Variants in THSD7B observed in about 807,000 individuals in gnomAD.
The protein encoded by THSD7B is thrombospondin type 1 domain containing 7B.
THSD7B carries 138 observed loss-of-function variants against 213.6 expected under a neutral mutation model. That is an observed-to-expected ratio of 0.65 (90% CI 0.56 to 0.74). THSD7B has a LOEUF of 0.74. Ranked by LOEUF, THSD7B falls within the 30% of genes least tolerant of loss-of-function variation. The pLI, the probability that THSD7B is intolerant of heterozygous loss-of-function variation, is 0.00. For synonymous variants in THSD7B, 742 were observed against 687.0 expected, an observed-to-expected ratio of 1.08 and a Z score of -1.25; for missense variants, 1,931 against 1,991.5, an observed-to-expected ratio of 0.97 and a Z score of 0.58.
intron 5 of THSD7B, among the ~76,000 whole-genome samples, chr2:137,115,607 G>C (rs1688435388): frequency 1.3e-5 from 2 of 152,162 alleles, no homozygotes; most frequent in African/African-American, 4.8e-5. Context: ...AGTAATGAAT[G>C]AATGGCATTC....
At position 137,649,559 on chromosome 2, in the gene THSD7B, G is replaced by A. The variant is rs139501972; in HGVS notation, c.3946-5942G>A. The stretch of plus-strand genomic sequence containing the variant: ...TATCCTTTCCCCACTGCATGTTCTT[G>A]GCACCTTTGTCAAAAATGAGTTGTC... On this transcript the variant is annotated intron_variant, in intron 21 of 27. Transcript: ENST00000409968. Among the ~76,000 whole-genome samples the A allele has an allele frequency of 3.0e-3, 461 of 152,166 alleles. 2 individuals carry two copies. The highest frequency in any genetic ancestry group is 6.4e-3 in the South Asian group (31 of 4,818).
rs560597125 is a variant in THSD7B, at chr2:136,850,113, T to C, written c.-35-32031T>C. On this transcript the variant is annotated intron_variant, in intron 1 of 27. Coordinates refer to ENST00000409968, the MANE Select transcript of THSD7B (RefSeq NM_001316349.2). ...AACATACCTCTATGGTATGAAGCCATAAAGTATGGTTTCATACTTTATGTA... is the reference window on the plus strand; with the variant it reads ...AACATACCTCTATGGTATGAAGCCACAAAGTATGGTTTCATACTTTATGTA... 9.5e-4 allele frequency among the ~76,000 whole-genome samples: 145 copies of C among 152,202 alleles called. 1 individual carries two copies. In the South Asian group the frequency reaches 0.016, roughly 17 times the overall value.
intron 3 of THSD7B, among the ~76,000 whole-genome samples, chr2:137,072,535 C>A (rs1354954497): frequency 6.6e-6 from 1 of 152,138 alleles, no homozygotes; most frequent in Non-Finnish European, 1.5e-5. Context: ...GATATACAAT[C>A]ATGTCATCTG....
intron 15 of THSD7B, among the ~76,000 whole-genome samples, chr2:137,508,933 A>T (rs1238783627): frequency 1.3e-5 from 2 of 152,010 alleles, no homozygotes; most frequent in Non-Finnish European, 2.9e-5. Flanking sequence ...GCACTCTCCA[A>T]CCTGCTGTTC....
chr2:137,425,769 A>C (rs1687041702), intron 14 of THSD7B, among the ~76,000 whole-genome samples: 1 of 152,174 alleles, frequency 6.6e-6, no homozygotes, highest in African/African-American at 2.4e-5. Flanking sequence ...TTTCTCTGTG[A>C]TCAACAGCCA....
At chr2:137,104,164 G>T (rs1365876702) in intron 4 of THSD7B, among the ~76,000 whole-genome samples, 11 of 152,228 alleles carry the variant, frequency 7.2e-5, no homozygotes, top group African/African-American at 2.6e-4. Context: ...TAAAAGAACA[G>T]AAATAATAAC....
chr2:137,394,241 C>G, intron 12 of THSD7B, among the ~76,000 whole-genome samples: 1 of 103,982 alleles, frequency 9.6e-6, no homozygotes, highest in East Asian at 2.5e-4. Context: ...GTGCCCATGC[C>G]TATGTCCTGA....
chr2:136,861,359 A>G (rs1236638199), intron 1 of THSD7B, among the ~76,000 whole-genome samples: 1 of 152,184 alleles, frequency 6.6e-6, no homozygotes, highest in African/African-American at 2.4e-5. Flanking sequence ...CATTCCATTC[A>G]TATTTATTGA....
chr2:137,030,903 G>A (rs1686653064), intron 2 of THSD7B, among the ~76,000 whole-genome samples: 2 of 152,118 alleles, frequency 1.3e-5, no homozygotes, highest in Admixed American at 1.3e-4. Flanking sequence ...AAAATCACTT[G>A]TATCCCTAAA....
At chr2:137,404,405 C>A (rs1686445923) in intron 12 of THSD7B, among the ~76,000 whole-genome samples, 1 of 126,822 alleles carries the variant, frequency 7.9e-6, no homozygotes, top group Admixed American at 8.9e-5. Context: ...GCCCATCAAT[C>A]AATGAGTGGA....
chr2:137,105,386 G>C (rs1344469938), intron 4 of THSD7B, among the ~76,000 whole-genome samples: 1 of 152,028 alleles, frequency 6.6e-6, no homozygotes, highest in African/African-American at 2.4e-5. Flanking sequence ...CAATAAACTA[G>C]GTATTGATGG....
At position 136,822,108 on chromosome 2, in the gene THSD7B, G is replaced by A. The variant is rs569228002; in HGVS notation, c.-36+56421G>A. On this transcript the variant is annotated intron_variant, in intron 1 of 27. Coordinates refer to ENST00000409968, the MANE Select transcript of THSD7B (RefSeq NM_001316349.2). ...TGAAGTAACTAGGGCATAATTGTAC[G>A]ATGACTTGGGAGTTATAAAGAGGAG... Among the ~76,000 whole-genome samples, 21 of 152,222 alleles carry A rather than the reference G, an allele frequency of 1.4e-4. 1 individual carries two copies. The highest frequency in any genetic ancestry group is 8.3e-4 in the South Asian group (4 of 4,814).
rs140318913 is a variant in THSD7B at position 137,219,770 on chromosome 2, T to C, written c.1724-11274T>C. Among the ~76,000 whole-genome samples the C allele has an allele frequency of 3.3e-3, 502 of 151,994 alleles. 2 individuals carry two copies. Among genetic ancestry groups the C allele is most frequent in the African/African-American group, 0.012 (481 of 41,448 alleles). On this transcript the variant is annotated intron_variant, in intron 7 of 27. Coordinates refer to ENST00000409968, the MANE Select transcript of THSD7B (RefSeq NM_001316349.2). ...ATTGAGACCTACTATGTGGCTGACA[T>C]TGTGCCGGATGTTTGCACAATGTTA...
chr2:137,105,816 T>C (rs1558922730), intron 4 of THSD7B, among the ~76,000 whole-genome samples: 1 of 151,878 alleles, frequency 6.6e-6, no homozygotes, highest in Non-Finnish European at 1.5e-5. Context: ...GAGAGTAAAA[T>C]ACCTAGGAAT....
intron 6 of THSD7B, among the ~76,000 whole-genome samples, chr2:137,164,676 T>C (rs992015633): frequency 2.0e-5 from 3 of 152,124 alleles, no homozygotes; most frequent in Admixed American, 2.0e-4. Context: ...GGGGCACATA[T>C]ACACCATAGA....
chr2:137,271,391 TGA>T lies in THSD7B; in HGVS notation c.2267-1141_2267-1140del, dbSNP rs569396671. Reference sequence around the variant, plus strand: ...GCTTCATTCATATATATATATATTATGAATTATATATATATGAATTATAATAT... The same window carrying T: ...GCTTCATTCATATATATATATATTATATTATATATATATGAATTATAATAT... On this transcript the variant is annotated intron_variant, in intron 10 of 27. Coordinates refer to ENST00000409968, the MANE Select transcript of THSD7B (RefSeq NM_001316349.2). 7.6e-4 allele frequency among the ~76,000 whole-genome samples: 106 copies of T among 140,012 alleles called. 2 individuals carry two copies. In the East Asian group the frequency reaches 0.017, roughly 23 times the overall value. 91.9% of individuals were successfully genotyped at this position (140,012 alleles called of 152,430 possible). A position where few individuals can be genotyped will look rare whatever the true frequency, so the allele number is the denominator to read the frequency against.
chr2:137,349,348 A>T (rs1201540937), intron 12 of THSD7B, among the ~76,000 whole-genome samples: 4 of 151,810 alleles, frequency 2.6e-5, no homozygotes, highest in African/African-American at 9.7e-5. Context: ...TCAATTTGTG[A>T]TGCTGATTGC....
chr2:137,417,812 T>G (rs938806591), intron 14 of THSD7B, among the ~76,000 whole-genome samples: 1 of 152,202 alleles, frequency 6.6e-6, no homozygotes, highest in African/African-American at 2.4e-5. Context: ...TAACCTATTG[T>G]GAACAGTCTT....
At chr2:137,098,241 A>T (rs1474124988) in intron 4 of THSD7B, among the ~76,000 whole-genome samples, 1 of 152,192 alleles carries the variant, frequency 6.6e-6, no homozygotes, top group Non-Finnish European at 1.5e-5. Flanking sequence ...AAAATCTTTT[A>T]GAATACCGTT....
Sources: allele counts gnomAD v4.1 joint callset (sites outside exome capture counted in the v4.1 genomes callset), GRCh38; gene constraint gnomAD v4.1.1; transcripts MANE v1.5; gene names NCBI Gene and HGNC (gene_info 2026-07-23, HGNC 2026-07-21).